The following DNAJC15 variants were observed in gnomAD, a reference collection of about 807,000 sequenced individuals.
DNAJC15 encodes the protein dnaJ homolog subfamily C member 15.
A neutral mutation model predicts 22.4 loss-of-function variants in DNAJC15; 27 were observed. The ratio of observed to expected loss-of-function variants is 1.20; its 90% CI spans 0.89 to 1.66. The LOEUF (loss-of-function observed/expected upper bound fraction) is 1.66, where lower values mean the gene tolerates loss of function less well. Among genes scored for constraint, DNAJC15 ranks in the 40% most tolerant of loss-of-function variants. DNAJC15 has a pLI of 0.00. For missense variants in DNAJC15, 208 were observed against 187.1 expected (o/e 1.11, Z -0.65); for synonymous variants, 79 against 63.2 (o/e 1.25, Z -1.19).
At chr13:43,089,596 G>C (rs2040704801) in intron 5 of DNAJC15, among the ~76,000 whole-genome samples, 1 of 152,178 alleles carries the variant, frequency 6.6e-6, no homozygotes, top group Admixed American at 6.5e-5. Context: ...TGATAGGAAT[G>C]TAATAGGCAA....
At chr13:43,082,372 T>TA in intron 4 of DNAJC15, among the ~76,000 whole-genome samples, 1 of 152,264 alleles carries the variant, frequency 6.6e-6, no homozygotes, top group South Asian at 2.1e-4. Context: ...ATACTAAGCT[T>TA]AAAAACTAGG....
Position 43,107,499 on chromosome 13 carries a change from T to C in DNAJC15, c.*251T>C, listed in dbSNP as rs2040803192. ...TGTGACATTCATACATTTTTAAGAT[T>C]TTTGTTATGTTCTGAATTCCCCCCT... On this transcript the variant is annotated 3_prime_UTR_variant, in exon 6 of 6. Coordinates refer to ENST00000379221, the MANE Select transcript of DNAJC15 (RefSeq NM_013238.3). 1 of 260,724 alleles carries C rather than the reference T, an allele frequency of 3.8e-6. No homozygotes were observed. Among genetic ancestry groups the C allele is most frequent in the Non-Finnish European group, 7.1e-6 (1 of 141,738 alleles). The allele number at this position is 260,724 out of a possible 1,614,324, so 16.2% of individuals were successfully genotyped here. A position where few individuals can be genotyped will look rare whatever the true frequency, so the allele number is the denominator to read the frequency against.
intron 1 of DNAJC15, among the ~76,000 whole-genome samples, chr13:43,053,542 G>T (rs1273043052): frequency 6.6e-6 from 1 of 152,192 alleles, no homozygotes; most frequent in African/African-American, 2.4e-5. Context: ...ATGGGCATGT[G>T]ATGTGTTTCC....
chr13:43,048,234 C>T (rs540550715), intron 1 of DNAJC15, among the ~76,000 whole-genome samples: 9 of 151,698 alleles, frequency 5.9e-5, no homozygotes, highest in Non-Finnish European at 8.8e-5. Flanking sequence ...TATCCCAGCA[C>T]TTTGGGAGGC....
intron 1 of DNAJC15, among the ~76,000 whole-genome samples, chr13:43,049,961 A>G (rs1477308571): frequency 6.6e-6 from 1 of 152,180 alleles, no homozygotes; most frequent in African/African-American, 2.4e-5. Context: ...TCTGTGGCCC[A>G]GGCTGGAGTG....
chr13:43,105,545 A>G (rs1040703208), intron 5 of DNAJC15, among the ~76,000 whole-genome samples: 2 of 152,204 alleles, frequency 1.3e-5, no homozygotes, highest in Non-Finnish European at 1.5e-5. Flanking sequence ...TATTCTGAAT[A>G]AATTGTCATG....
Position 43,105,216 on chromosome 13 carries a change from G to GCTCCC in DNAJC15, c.383-1962_383-1961insCTCCC, listed in dbSNP as rs2040790601. Reference sequence around the variant, plus strand: ...GCTGCTGCCTCACAGGCTGCCACTAGAACTGTGGGAGAAGCACAGTTGCTG... The same window carrying GCTCCC: ...GCTGCTGCCTCACAGGCTGCCACTAGCTCCCAACTGTGGGAGAAGCACAGTTGCTG... On this transcript the variant is annotated intron_variant, in intron 5 of 5. Transcript: ENST00000379221. Among the ~76,000 whole-genome samples, 3 of 152,006 alleles carry GCTCCC rather than the reference G, an allele frequency of 2.0e-5. No homozygotes were observed. In the South Asian group the frequency reaches 6.3e-4, roughly 32 times the overall value.
rs2040814564 is a variant in DNAJC15 at position 43,109,519 on chromosome 13, T to C, written c.*2271T>C. On this transcript the variant is annotated 3_prime_UTR_variant, in exon 6 of 6. Transcript: ENST00000379221. ...ATTTTCCTAATCCATACTTTATTCA[T>C]GAGAATTTGAGTCACCCCAGCATTA... 1 of 152,244 alleles carries C rather than the reference T, an allele frequency of 6.6e-6. No homozygotes were observed. Among genetic ancestry groups the C allele is most frequent in the South Asian group, 2.1e-4 (1 of 4,834 alleles). The allele number at this position is 152,244 out of a possible 1,614,324, so 9.4% of individuals were successfully genotyped here. A position where few individuals can be genotyped will look rare whatever the true frequency, so the allele number is the denominator to read the frequency against.
intron 1 of DNAJC15, among the ~76,000 whole-genome samples, chr13:43,060,225 T>C (rs1241038836): frequency 2.6e-5 from 4 of 152,018 alleles, no homozygotes; most frequent in African/African-American, 9.7e-5. Flanking sequence ...CGAGCGGGAT[T>C]AGGGGCGGCG....
At chr13:43,057,938 C>G (rs2040539674) in intron 1 of DNAJC15, among the ~76,000 whole-genome samples, 2 of 152,114 alleles carry the variant, frequency 1.3e-5, no homozygotes, top group South Asian at 4.1e-4. Flanking sequence ...TGCAAAGAGT[C>G]AAACACAGAT....
intron 1 of DNAJC15, among the ~76,000 whole-genome samples, chr13:43,042,363 A>C (rs919439323): frequency 6.6e-6 from 1 of 152,226 alleles, no homozygotes; most frequent in African/African-American, 2.4e-5. Context: ...AAACTGTAAG[A>C]GAGGACTACT....
At chr13:43,030,137 G>A (rs570803756) in intron 1 of DNAJC15, among the ~76,000 whole-genome samples, 11 of 152,218 alleles carry the variant, frequency 7.2e-5, no homozygotes, top group African/African-American at 2.6e-4. Flanking sequence ...TTCAAGTTTT[G>A]ATCATTGCTT....
chr13:43,102,513 C>T (rs190913503), intron 5 of DNAJC15, among the ~76,000 whole-genome samples: 159 of 152,212 alleles, frequency 1.0e-3, no homozygotes, highest in African/African-American at 3.6e-3. Flanking sequence ...TGGTGATTCA[C>T]GCCTGTAATC....
At chr13:43,084,865 A>G (rs1309719067) in intron 4 of DNAJC15, among the ~76,000 whole-genome samples, 1 of 152,206 alleles carries the variant, frequency 6.6e-6, no homozygotes, top group Non-Finnish European at 1.5e-5. Flanking sequence ...AGACATAAAG[A>G]GTTTTGAGAT....
intron 1 of DNAJC15, among the ~76,000 whole-genome samples, chr13:43,041,510 C>T (rs1363316166): frequency 1.3e-5 from 2 of 152,176 alleles, no homozygotes; most frequent in Non-Finnish European, 2.9e-5. Flanking sequence ...TTTCCCCACA[C>T]TATAGATATT....
intron 5 of DNAJC15, 27 bp downstream of exon 5, chr13:43,085,865 T>A: frequency 6.3e-7 from 1 of 1,576,234 alleles, no homozygotes; most frequent in Non-Finnish European, 8.7e-7. Flanking sequence ...TTTTTCATAA[T>A]ATGTATATCA....
At chr13:43,074,854 A>C (rs769384135) in intron 3 of DNAJC15, among the ~76,000 whole-genome samples, 1 of 151,422 alleles carries the variant, frequency 6.6e-6, no homozygotes, top group African/African-American at 2.5e-5. Flanking sequence ...CCACTTAATC[A>C]TGATTTTAAA....
chr13:43,054,015 A>C (rs568302486), intron 1 of DNAJC15, among the ~76,000 whole-genome samples: 1 of 152,192 alleles, frequency 6.6e-6, no homozygotes, highest in African/African-American at 2.4e-5. Flanking sequence ...AATGCTTTCA[A>C]CTTTTCTCCA....
intron 5 of DNAJC15, 143 bp from the exon 6 acceptor site, chr13:43,107,035 G>A (rs2040800052): frequency 1.6e-6 from 1 of 623,566 alleles, no homozygotes; most frequent in Non-Finnish European, 2.5e-6. Context: ...ATACTGTTTT[G>A]ATTTCTAGTT....
Sources: allele counts gnomAD v4.1 joint callset (sites outside exome capture counted in the v4.1 genomes callset), GRCh38; gene constraint gnomAD v4.1.1; transcripts MANE v1.5; gene names NCBI Gene and HGNC (gene_info 2026-07-23, HGNC 2026-07-21).